NUMA1: variants seen among roughly 807,000 people sequenced by gnomAD.
NUMA1 encodes SP-H antigen.
In NUMA1, 62 loss-of-function variants were observed where a neutral mutation model predicts 237.1. The ratio of observed to expected loss-of-function variants is 0.26; its 90% CI spans 0.21 to 0.32. NUMA1 has a LOEUF of 0.32. NUMA1 is among the 10% of genes least tolerant of loss of function. The pLI is 1.00. For synonymous variants in NUMA1, 1,028 were observed against 1,066.1 expected (o/e 0.96, Z 0.70); for missense variants, 2,533 against 2,666.5 (o/e 0.95, Z 1.10).
chr11:72,035,415 T>C (rs1274996694), intron 3 of NUMA1, among the ~76,000 whole-genome samples: 1 of 151,854 alleles, frequency 6.6e-6, no homozygotes, highest in Non-Finnish European at 1.5e-5. Context: ...CCTTTTTTTT[T>C]TTTAATTTTT....
chr11:72,015,070 A>G lies in NUMA1; in HGVS notation c.2433T>C (p.Ala811=). 6.2e-7 allele frequency: 1 copy of G among 1,614,086 alleles called. No homozygotes were observed. Among genetic ancestry groups the G allele is most frequent in the Non-Finnish European group, 8.5e-7 (1 of 1,180,040 alleles). Residue 811 remains alanine, a synonymous_variant, in exon 15 of 27, where the codon GCT becomes GCC. Coordinates refer to ENST00000393695, the MANE Select transcript of NUMA1 (RefSeq NM_006185.4). This position sits in a 1 kb window ranked among gnomAD's most constrained non-coding sequence, Gnocchi z 4.0. ...SECEQLVKEV[A]AWRERYEDSQ... is the part of the protein sequence containing the mutation. The stretch of plus-strand genomic sequence containing the variant: ...TATCCTCATACCGCTCACGCCAGGC[A>G]GCTACTTCTTTGACGAGCTGCTCAC...
At position 72,013,668 on chromosome 11, in the gene NUMA1, T is replaced by C; in HGVS notation, c.3835A>G (p.Asn1279Asp). The C allele has an allele frequency of 6.2e-7, 1 of 1,609,442 alleles. No individual in the cohort carries two copies. Among genetic ancestry groups the C allele is most frequent in the Non-Finnish European group, 8.5e-7 (1 of 1,179,954 alleles). ...LRLLQAETASNSARAAERSSA... is the reference protein window; with the variant it reads ...LRLLQAETASDSARAAERSSA... Reference sequence around the variant, plus strand: ...CTGCGTTCTGCAGCTCTGGCACTGTTGCTGGCTGTCTCTGCCTGCAGCAGG... The same window carrying C: ...CTGCGTTCTGCAGCTCTGGCACTGTCGCTGGCTGTCTCTGCCTGCAGCAGG... Residue 1279 changes from asparagine (N) to aspartate (D), a missense_variant, in exon 15 of 27, where the codon AAC (asparagine) becomes GAC (aspartate). Asn to Asp is a conservative substitution (Grantham distance 23, BLOSUM62 1). Transcript: ENST00000393695. This position sits in a 1 kb window ranked among gnomAD's most constrained non-coding sequence, Gnocchi z 6.8.
rs961169267 is a variant in NUMA1 at position 72,016,487 on chromosome 11, G to A, written c.1163C>T (p.Ser388Leu). The A allele has an allele frequency of 6.2e-7, 1 of 1,613,972 alleles. No homozygotes were observed. The highest frequency in any genetic ancestry group is 1.3e-5 in the African/African-American group (1 of 74,924). The change falls in exon 14 of 27, where the codon TCA becomes TTA. Residue 388 changes from serine (S) to leucine (L), a missense_variant. Ser to Leu is a moderately radical substitution (Grantham distance 145). This residue lies in a region of NUMA1 where 1,414 missense variants were observed against 1,508.1 expected (regional missense o/e 0.94). Transcript: ENST00000393695. ...EKNEILQGKL[S>L]QLEEHLSQLQ... is the part of the protein sequence containing the mutation. ...CTGGGACAAGTGTTCTTCCAGCTGT[G>A]AAAGTTTTCCCTGAAGGATTTCGTT...
intron 8 of NUMA1, chr11:72,020,313 T>C (rs578160541): frequency 5.3e-4 from 80 of 152,156 alleles, no homozygotes; most frequent in African/African-American, 1.8e-3. Context: ...ATTTCTAACA[T>C]CTCCACCTGA....
chr11:72,003,799 C>A, intron 26 of NUMA1, 88 bp downstream of exon 26: 1 of 1,393,782 alleles, frequency 7.2e-7, no homozygotes, highest in African/African-American at 1.4e-5. Context: ...CTGGCGTGGC[C>A]CCATCTTGGA....
intron 2 of NUMA1, among the ~76,000 whole-genome samples, chr11:72,044,439 A>G (rs904231675): frequency 2.0e-5 from 3 of 152,104 alleles, no homozygotes; most frequent in Non-Finnish European, 4.4e-5. Flanking sequence ...GAAGCCAGAG[A>G]GGGTATTCTG....
At chr11:72,042,916 C>CA (rs1197980670) in intron 2 of NUMA1, among the ~76,000 whole-genome samples, 2 of 151,912 alleles carry the variant, frequency 1.3e-5, no homozygotes, top group Non-Finnish European at 2.9e-5. Flanking sequence ...GAGTTGGAGA[C>CA]CAGCCGGGGC....
chr11:72,005,647 G>A (rs2134429323), intron 22 of NUMA1: 2 of 516,422 alleles, frequency 3.9e-6, no homozygotes, highest in Non-Finnish European at 6.8e-6. Flanking sequence ...CCAACACCCA[G>A]AGGAACAAAT....
At chr11:72,024,379 CA>C (rs777304902) in intron 4 of NUMA1, 26 bp from the exon 5 acceptor site, 79 of 1,602,440 alleles carry the variant, frequency 4.9e-5, no homozygotes, top group Non-Finnish European at 6.7e-5. Context: ...GTATTAGGAC[CA>C]GAGTATTCAG....
chr11:72,049,560 AATATATATAT>A lies in NUMA1; in HGVS notation c.-32-13595_-32-13586del, dbSNP rs1555034472. On this transcript the variant is annotated intron_variant, in intron 2 of 26. Transcript: ENST00000393695. ...CCTGTCTAAAAAAAAAAATAATAATAATATATATATATATATATATATAGTGTGTGTGTGT... is the reference window on the plus strand; with the variant it reads ...CCTGTCTAAAAAAAAAAATAATAATAATATATATATATAGTGTGTGTGTGT... 2.2e-4 allele frequency: 9 copies of A among 41,004 alleles called. 1 individual carries two copies. The highest frequency in any genetic ancestry group is 7.6e-4 in the African/African-American group (9 of 11,792). The allele number at this position is 41,004 out of a possible 1,614,324, so 2.5% of individuals were successfully genotyped here. A position where few individuals can be genotyped will look rare whatever the true frequency, so the allele number is the denominator to read the frequency against.
chr11:72,064,188 T>G (rs1323050196), intron 2 of NUMA1, among the ~76,000 whole-genome samples: 1 of 152,092 alleles, frequency 6.6e-6, no homozygotes, highest in Non-Finnish European at 1.5e-5. Flanking sequence ...CTGGGTACAG[T>G]GGCTCACGTC....
Position 72,013,471 on chromosome 11 carries a change from G to A in NUMA1, c.4032C>T (p.Ser1344=), listed in dbSNP as rs147440770. The A allele has an allele frequency of 3.7e-6, 6 of 1,613,466 alleles. No homozygotes were observed. The South Asian group carries it at 6.6e-5, about 18-fold the overall frequency. Residue 1344 remains serine, a synonymous_variant, in exon 15 of 27, where the codon TCC becomes TCT. Transcript: ENST00000393695. This position sits in a 1 kb window ranked among gnomAD's most constrained non-coding sequence, Gnocchi z 6.8. The part of the protein sequence containing the change: ...EKFFQKEQAL[S]TLQLEHTSTQ... ...TGCTGGTGTGCTCGAGCTGCAGGGT[G>A]GAGAGGGCCTGCTCTTTCTGGAAGA...
At chr11:72,012,116 C>T (rs1177893051) in intron 16 of NUMA1, 2 of 428,150 alleles carry the variant, frequency 4.7e-6, no homozygotes, top group Non-Finnish European at 8.3e-6. Flanking sequence ...GTCATTGGTT[C>T]AGGGTGGGAA....
intron 20 of NUMA1, 115 bp downstream of exon 20, chr11:72,008,573 G>T (rs2155145): frequency 0.96 from 1,222,534 of 1,273,576 alleles, 587,857 homozygotes; most frequent in Non-Finnish European, 0.98. Flanking sequence ...CCCGTTTTTC[G>T]TTATTCTTCT....
chr11:72,012,832 G>A, intron 15 of NUMA1, 63 bp downstream of exon 15: 3 of 1,568,158 alleles, frequency 1.9e-6, no homozygotes, highest in African/African-American at 2.7e-5. Context: ...GGACACAGAG[G>A]ATCGATGTCC....
intron 3 of NUMA1, among the ~76,000 whole-genome samples, chr11:72,030,678 C>T (rs1940188444): frequency 6.6e-6 from 1 of 152,186 alleles, no homozygotes; most frequent in South Asian, 2.1e-4. Flanking sequence ...TAATTATTCA[C>T]ATATTCAACA....
intron 5 of NUMA1, among the ~76,000 whole-genome samples, chr11:72,023,880 C>T (rs1022368901): frequency 1.3e-5 from 2 of 152,186 alleles, no homozygotes; most frequent in Non-Finnish European, 2.9e-5. Flanking sequence ...CTACACCTAT[C>T]GCCTAAGCAA....
chr11:72,003,670 T>C, intron 26 of NUMA1, 132 bp from the exon 27 acceptor site: 1 of 1,243,280 alleles, frequency 8.0e-7, no homozygotes, highest in Non-Finnish European at 1.2e-6. Flanking sequence ...GGGTTATCAG[T>C]TGCTGGCTGT....
intron 2 of NUMA1, among the ~76,000 whole-genome samples, chr11:72,069,187 A>G (rs1194933390): frequency 6.6e-6 from 1 of 152,244 alleles, no homozygotes; most frequent in Non-Finnish European, 1.5e-5. Flanking sequence ...TTCAACTATT[A>G]TATCACTTTA....
Sources: gnomAD v4.1 joint callset for allele counts (sites outside exome capture counted in the v4.1 genomes callset) on GRCh38, gnomAD v4.1.1 for gene constraint, gnomAD v4.1.1 regional missense constraint, Gnocchi (gnomAD v3.1) non-coding constraint, MANE v1.5 for transcripts, NCBI Gene and HGNC (gene_info 2026-07-23, HGNC 2026-07-21) for gene names.